TRPM3: variants seen among roughly 807,000 people sequenced by gnomAD.
TRPM3 encodes the protein long transient receptor potential channel 3.
In TRPM3, 77 loss-of-function variants were observed where a neutral mutation model predicts 181.2. The observed-to-expected ratio is 0.42, with a 90% CI of 0.35 to 0.51. The LOEUF (loss-of-function observed/expected upper bound fraction) is 0.51. Among genes scored for constraint, TRPM3 ranks in the 20% least tolerant of loss-of-function variants. The probability of loss-of-function intolerance (pLI) is 0.01; values close to 1 mark genes in which losing one functional copy is unlikely to be tolerated. For synonymous variants in TRPM3, 745 were observed against 796.4 expected (o/e 0.94, Z 1.09); for missense variants, 1,759 against 2,196.7 (o/e 0.80, Z 3.98).
chr9:71,207,373 A>T (rs2079187566), intron 1 of TRPM3, among the ~76,000 whole-genome samples: 2 of 152,130 alleles, frequency 1.3e-5, no homozygotes, highest in African/African-American at 4.8e-5. Flanking sequence ...GTCATATTTA[A>T]CTTTCTAATT....
chr9:71,090,234 G>C (rs1219268486), intron 1 of TRPM3, among the ~76,000 whole-genome samples: 1 of 152,102 alleles, frequency 6.6e-6, no homozygotes, highest in Non-Finnish European at 1.5e-5. Context: ...AGCTTTCAAG[G>C]ACAGATTGAA....
chr9:71,096,590 A>ACACACACACTCTCTCTCTCTCT (rs1452142664), intron 1 of TRPM3, among the ~76,000 whole-genome samples: 51 of 90,032 alleles, frequency 5.7e-4, no homozygotes, highest in African/African-American at 2.5e-3. Context: ...ACACACACAC[A>ACACACACACTCTCTCTCTCTCT]CTCTCTCTCT....
chr9:71,404,623 T>C (rs1422386983), intron 1 of TRPM3, among the ~76,000 whole-genome samples: 1 of 152,168 alleles, frequency 6.6e-6, no homozygotes, highest in Non-Finnish European at 1.5e-5. Context: ...GCTCTGGTCT[T>C]TTCCTCTCCA....
At chr9:71,168,652 T>A (rs1422488279) in intron 1 of TRPM3, among the ~76,000 whole-genome samples, 4 of 147,530 alleles carry the variant, frequency 2.7e-5, no homozygotes, top group Admixed American at 6.8e-5. Context: ...TTTTTTTTTT[T>A]ATTATTACTA....
rs528358824 is a variant in TRPM3, at chr9:71,202,847, A to G, written c.183+243806T>C. Among the ~76,000 whole-genome samples, 12 of 152,348 alleles carry G rather than the reference A, an allele frequency of 7.9e-5. No homozygotes were observed. In the South Asian group the frequency reaches 2.5e-3, roughly 32 times the overall value. ...ACCTCATAGAGGTGTTAGAAGGATT[A>G]AATGAGAAAACTTACATACATAGCT... is the stretch of plus-strand genomic sequence containing the variant. On this transcript the variant is annotated intron_variant, in intron 1 of 24. Coordinates refer to the TRPM3 transcript ENST00000357533.
chr9:70,556,290 A>C (rs1057248398), intron 22 of TRPM3, among the ~76,000 whole-genome samples: 1 of 151,376 alleles, frequency 6.6e-6, no homozygotes, highest in African/African-American at 2.4e-5. Context: ...TCTTTATTGA[A>C]GATTTGATTT....
At chr9:71,044,033 T>C (rs2059140675) in intron 1 of TRPM3, among the ~76,000 whole-genome samples, 1 of 152,210 alleles carries the variant, frequency 6.6e-6, no homozygotes, top group African/African-American at 2.4e-5. Flanking sequence ...ATTATCTTTT[T>C]CATGAACTCC....
chr9:70,663,626 A>ATTTTAAGATTG (rs2061423373), intron 9 of TRPM3, among the ~76,000 whole-genome samples: 1 of 152,270 alleles, frequency 6.6e-6, no homozygotes, highest in African/African-American at 2.4e-5. Context: ...CTTCTACCAT[A>ATTTTAAGATTG]TTTTAAGATT....
exon 1 of TRPM3, chr9:71,446,804 A>G: frequency 6.5e-7 from 1 of 1,548,422 alleles, no homozygotes; most frequent in Non-Finnish European, 8.7e-7. Flanking sequence ...GCCCCGCTCC[A>G]TTTCCGCCGC....
rs190422574 is a variant in TRPM3 at position 70,583,326 on chromosome 9, C to A, written c.3223+7705G>T. Among the ~76,000 whole-genome samples, 274 of 152,278 alleles carry A rather than the reference C, an allele frequency of 1.8e-3. 1 individual carries two copies. The highest frequency in any genetic ancestry group is 6.2e-3 in the African/African-American group (257 of 41,540). The stretch of plus-strand genomic sequence containing the variant: ...CACTTCATAGCTTGCGCATGCTTTG[C>A]GGGCTCAGGCTACATGGTGTTTCTG... On this transcript the variant is annotated intron_variant, in intron 22 of 25. Transcript: ENST00000677713.
intron 1 of TRPM3, among the ~76,000 whole-genome samples, chr9:71,143,390 C>T (rs1317817810): frequency 6.6e-6 from 1 of 152,080 alleles, no homozygotes; most frequent in Non-Finnish European, 1.5e-5. Context: ...CTCTACGTGT[C>T]CATGTGTTTT....
At chr9:71,051,964 G>T (rs774974631) in intron 1 of TRPM3, among the ~76,000 whole-genome samples, 1 of 152,196 alleles carries the variant, frequency 6.6e-6, no homozygotes, top group East Asian at 1.9e-4. Flanking sequence ...TCGAAGAAAA[G>T]AAAATTTGGC....
intron 1 of TRPM3, among the ~76,000 whole-genome samples, chr9:71,420,462 G>C (rs115784624): frequency 0.014 from 2,069 of 151,480 alleles, 47 homozygotes; most frequent in African/African-American, 0.048. Flanking sequence ...ATTTTGAGCC[G>C]AAGGCAAGGA....
At chr9:70,662,483 A>G (rs1170868541) in intron 9 of TRPM3, among the ~76,000 whole-genome samples, 1 of 152,144 alleles carries the variant, frequency 6.6e-6, no homozygotes, top group Non-Finnish European at 1.5e-5. Flanking sequence ...GAAAATATTC[A>G]CAAACTATGC....
At chr9:70,925,873 A>G (rs1287871395) in intron 1 of TRPM3, among the ~76,000 whole-genome samples, 1 of 152,050 alleles carries the variant, frequency 6.6e-6, no homozygotes, top group Non-Finnish European at 1.5e-5. Flanking sequence ...GAATATGTTT[A>G]CAATGAGAAA....
At chr9:71,346,429 A>G (rs899656619) in intron 1 of TRPM3, among the ~76,000 whole-genome samples, 2 of 152,242 alleles carry the variant, frequency 1.3e-5, no homozygotes, top group African/African-American at 4.8e-5. Context: ...TTTAAGAAAT[A>G]AAATAATGCA....
intron 1 of TRPM3, among the ~76,000 whole-genome samples, chr9:71,380,087 G>C (rs950710089): frequency 1.3e-5 from 2 of 152,050 alleles, no homozygotes; most frequent in Non-Finnish European, 2.9e-5. Flanking sequence ...GGAAATACAA[G>C]TCTTGACTAA....
At chr9:70,747,431 GTTAGTGTGATGAATCCAT>G (rs1386821745) in intron 8 of TRPM3, among the ~76,000 whole-genome samples, 2 of 152,234 alleles carry the variant, frequency 1.3e-5, no homozygotes, top group South Asian at 2.1e-4. Context: ...GATCTGTTTG[GTTAGTGTGATGAATCCAT>G]AAAGAAGCAA....
chr9:71,028,523 T>A (rs2056867280), intron 1 of TRPM3, among the ~76,000 whole-genome samples: 1 of 151,650 alleles, frequency 6.6e-6, no homozygotes, highest in African/African-American at 2.4e-5. Context: ...AGCAGCAAGT[T>A]ACATAAATAA....
Sources: allele counts gnomAD v4.1 joint callset (sites outside exome capture counted in the v4.1 genomes callset), GRCh38; gene constraint gnomAD v4.1.1; transcripts MANE v1.5; gene names NCBI Gene and HGNC (gene_info 2026-07-23, HGNC 2026-07-21).